Variants in LRRC37A observed in about 807,000 individuals in gnomAD.
The protein encoded by LRRC37A is leucine rich repeat containing 37A.
LRRC37A carries 3 observed loss-of-function variants against 35.4 expected under a neutral mutation model. That is an observed-to-expected ratio of 0.08 (90% confidence interval 0.04 to 0.22). The LOEUF is 0.22. Among genes scored for constraint, LRRC37A ranks in the 10% least tolerant of loss-of-function variants. LRRC37A has a pLI of 1.00. For synonymous variants in LRRC37A, 23 were observed against 215.0 expected, an observed-to-expected ratio of 0.11 and a Z score of 7.81; for missense variants, 67 against 565.3, an observed-to-expected ratio of 0.12 and a Z score of 8.94.
At chr17:46,277,641 C>CTTTTCTTTTCTTTTCT in the LRRC37A span, among the ~76,000 whole-genome samples, 1 of 146,506 alleles carries the variant, frequency 6.8e-6, no homozygotes. Flanking sequence ...CTTTTCTTTT[C>CTTTTCTTTTCTTTTCT]TTTCTTTCTT....
chr17:46,266,723 CT>C, the LRRC37A span, among the ~76,000 whole-genome samples: 5 of 152,258 alleles, frequency 3.3e-5, no homozygotes, highest in East Asian at 9.7e-4. Context: ...GTGCGGAGCC[CT>C]GGGAGCGGAG....
intron 5 of LRRC37A, among the ~76,000 whole-genome samples, chr17:46,317,125 G>A (rs868251102): frequency 3.4e-5 from 3 of 88,502 alleles, no homozygotes; most frequent in South Asian, 4.4e-4. Context: ...TGAGCTGTTG[G>A]GTACACCTCC....
At chr17:46,256,421 GAA>G in the LRRC37A span, among the ~76,000 whole-genome samples, 1 of 151,872 alleles carries the variant, frequency 6.6e-6, no homozygotes, top group Non-Finnish European at 1.5e-5. Flanking sequence ...AAAAAAAAAA[GAA>G]GAGACCAGAG....
chr17:46,262,283 C>T, the LRRC37A span, among the ~76,000 whole-genome samples: 1 of 152,264 alleles, frequency 6.6e-6, no homozygotes, highest in Non-Finnish European at 1.5e-5. Context: ...ATCCACCTGC[C>T]TTGGCCTCCC....
At chr17:46,279,395 G>C in the LRRC37A span, among the ~76,000 whole-genome samples, 3 of 151,486 alleles carry the variant, frequency 2.0e-5, no homozygotes, top group Non-Finnish European at 4.4e-5. Context: ...TGTTGTCCAG[G>C]CTGGTCTTGA....
chr17:46,249,847 C>T, the LRRC37A span, among the ~76,000 whole-genome samples: 1 of 152,204 alleles, frequency 6.6e-6, no homozygotes, highest in Non-Finnish European at 1.5e-5. Flanking sequence ...CTCTGTCGCC[C>T]AGGCTGGAGT....
the LRRC37A span, among the ~76,000 whole-genome samples, chr17:46,265,440 T>C: frequency 6.7e-6 from 1 of 150,306 alleles, no homozygotes; most frequent in African/African-American, 2.4e-5. Flanking sequence ...TTCCTCTTCC[T>C]CTCCTCCTCC....
chr17:46,249,551 T>C, the LRRC37A span, among the ~76,000 whole-genome samples: 1 of 152,208 alleles, frequency 6.6e-6, no homozygotes, highest in African/African-American at 2.4e-5. Flanking sequence ...AGACAACTTC[T>C]TAGACTCCTT....
chr17:46,259,416 G>C, the LRRC37A span: 1 of 914,426 alleles, frequency 1.1e-6, no homozygotes, highest in Non-Finnish European at 1.7e-6. Context: ...TCCCAGCAGG[G>C]AGGCTGATGG....
At chr17:46,262,795 AAAAAAAG>A in the LRRC37A span, among the ~76,000 whole-genome samples, 1,381 of 149,868 alleles carry the variant, frequency 9.2e-3, no homozygotes, top group Non-Finnish European at 0.017. Flanking sequence ...TGGAAAAAAA[AAAAAAAG>A]AAAAGAAAAG....
chr17:46,250,709 T>C, the LRRC37A span, among the ~76,000 whole-genome samples: 1 of 152,212 alleles, frequency 6.6e-6, no homozygotes, highest in African/African-American at 2.4e-5. Context: ...AACTCCTGTA[T>C]ATATTCCATT....
chr17:46,256,553 G>A, the LRRC37A span, among the ~76,000 whole-genome samples: 1 of 152,218 alleles, frequency 6.6e-6, no homozygotes, highest in Non-Finnish European at 1.5e-5. Flanking sequence ...GGACTTCCCA[G>A]CCTCCAGAAC....
At chr17:46,248,564 G>A in the LRRC37A span, among the ~76,000 whole-genome samples, 1 of 151,998 alleles carries the variant, frequency 6.6e-6, no homozygotes, top group South Asian at 2.1e-4. Context: ...CTGTTGCCCA[G>A]GCTGCAGTGC....
At chr17:46,258,044 C>A in the LRRC37A span, among the ~76,000 whole-genome samples, 34 of 152,248 alleles carry the variant, frequency 2.2e-4, no homozygotes, top group Non-Finnish European at 4.0e-4. Flanking sequence ...TGTTGGCAGG[C>A]TGTAGTTCCT....
At chr17:46,273,955 C>T in the LRRC37A span, among the ~76,000 whole-genome samples, 1 of 152,248 alleles carries the variant, frequency 6.6e-6, no homozygotes, top group Non-Finnish European at 1.5e-5. Flanking sequence ...CAATGTGTAT[C>T]TTGTCGCATT....
chr17:46,275,336 C>A, the LRRC37A span: 1 of 890,358 alleles, frequency 1.1e-6, no homozygotes, highest in Non-Finnish European at 1.7e-6. Flanking sequence ...ATAGTTCAGG[C>A]AACAAGATTC....
the LRRC37A span, among the ~76,000 whole-genome samples, chr17:46,248,221 T>C: frequency 1.4e-5 from 2 of 146,932 alleles, no homozygotes; most frequent in East Asian, 3.8e-4. Context: ...TGTTTTATTA[T>C]TTTCTTAAGT....
chr17:46,252,580 G>C, the LRRC37A span, among the ~76,000 whole-genome samples: 65 of 148,926 alleles, frequency 4.4e-4, 1 homozygote, highest in East Asian at 2.1e-3. Context: ...TGACTCTTAA[G>C]GAGCATGCTG....
At chr17:46,312,682 A>C (rs1272196606) in intron 5 of LRRC37A, among the ~76,000 whole-genome samples, 2 of 77,388 alleles carry the variant, frequency 2.6e-5, no homozygotes, top group Non-Finnish European at 2.6e-5. Context: ...GACTTTGTAC[A>C]GAGCCCACCA....
Sources: allele counts gnomAD v4.1 joint callset (sites outside exome capture counted in the v4.1 genomes callset), GRCh38; gene constraint gnomAD v4.1.1; transcripts MANE v1.5; gene names NCBI Gene and HGNC (gene_info 2026-07-23, HGNC 2026-07-21).